Variants in PDE4B observed in about 807,000 individuals in gnomAD.
PDE4B encodes phosphodiesterase 4B, also known as 3',5'-cyclic-AMP phosphodiesterase 4B.
PDE4B carries 20 observed loss-of-function variants against 82.2 expected under a neutral mutation model. The ratio of observed to expected loss-of-function variants is 0.24; its 90% CI spans 0.17 to 0.35. The LOEUF (loss-of-function observed/expected upper bound fraction) is 0.35, where lower values mean the gene tolerates loss of function less well. Ranked by LOEUF, PDE4B falls within the 10% of genes least tolerant of loss-of-function variation. The pLI is 1.00. For synonymous variants in PDE4B, 320 were observed against 318.9 expected, an observed-to-expected ratio of 1.00 and a Z score of -0.04; for missense variants, 655 against 907.2, an observed-to-expected ratio of 0.72 and a Z score of 3.57.
chr1:65,881,472 A>G (rs1326651455), intron 1 of PDE4B, among the ~76,000 whole-genome samples: 1 of 152,170 alleles, frequency 6.6e-6, no homozygotes, highest in Non-Finnish European at 1.5e-5. Context: ...CCACAGATGC[A>G]GATCCTGAGA....
rs573199695 is a variant in PDE4B, at chr1:65,845,776, A to T, written c.-71+52528A>T. Among the ~76,000 whole-genome samples the T allele has an allele frequency of 1.3e-4, 20 of 152,144 alleles. No individual in the cohort carries two copies. In the South Asian group the frequency reaches 3.9e-3, roughly 30 times the overall value. ...CTTTACCCCTGCACCCTTTATCTTT[A>T]ATGACTCTTTCAGATTGAGGAAGTC... On this transcript the variant is annotated intron_variant, in intron 1 of 16. Transcript: ENST00000341517.
intron 3 of PDE4B, among the ~76,000 whole-genome samples, chr1:66,141,591 A>G (rs1646173941): frequency 6.6e-6 from 1 of 151,920 alleles, no homozygotes; most frequent in South Asian, 2.1e-4. Flanking sequence ...AGTCTCAGAA[A>G]GCCTCCTCAG....
At chr1:66,108,354 G>T (rs1455349014) in intron 3 of PDE4B, among the ~76,000 whole-genome samples, 1 of 151,880 alleles carries the variant, frequency 6.6e-6, no homozygotes, top group African/African-American at 2.4e-5. Context: ...ACTACTAGAA[G>T]AAAACATAGG....
intron 7 of PDE4B, among the ~76,000 whole-genome samples, chr1:66,318,018 G>A (rs185158705): frequency 2.0e-5 from 3 of 152,268 alleles, no homozygotes; most frequent in African/African-American, 7.2e-5. Flanking sequence ...GGCTGAGGAT[G>A]GAAATCACCT....
chr1:66,283,905 G>A (rs528546468), intron 7 of PDE4B, among the ~76,000 whole-genome samples: 2 of 152,250 alleles, frequency 1.3e-5, no homozygotes, highest in African/African-American at 4.8e-5. Flanking sequence ...GAGAGAGAGA[G>A]ATTCATTCAC....
chr1:66,054,666 T>C (rs1174680155), intron 3 of PDE4B, among the ~76,000 whole-genome samples: 1 of 152,212 alleles, frequency 6.6e-6, no homozygotes, highest in Admixed American at 6.5e-5. Context: ...AGATTGATAT[T>C]TTATTCTTCC....
At chr1:65,887,246 C>CT (rs376942239) in intron 1 of PDE4B, among the ~76,000 whole-genome samples, 1 of 21,634 alleles carries the variant, frequency 4.6e-5, no homozygotes, top group African/African-American at 1.9e-4. Context: ...TTCTTTCTTT[C>CT]TTTTCTTTCT....
chr1:66,331,737 A>C (rs919158657), intron 7 of PDE4B: 9 of 985,226 alleles, frequency 9.1e-6, no homozygotes, highest in African/African-American at 1.7e-5. Context: ...GCAGAAGGGA[A>C]GTTTTAGCTT....
At chr1:66,091,970 C>T (rs902145923) in intron 3 of PDE4B, among the ~76,000 whole-genome samples, 30 of 151,874 alleles carry the variant, frequency 2.0e-4, no homozygotes, top group African/African-American at 7.0e-4. Flanking sequence ...TAAATTTACA[C>T]AATTAAGAGT....
chr1:66,006,691 C>G (rs1175033732), intron 3 of PDE4B, among the ~76,000 whole-genome samples: 1 of 152,076 alleles, frequency 6.6e-6, no homozygotes, highest in East Asian at 1.9e-4. Flanking sequence ...TTCCCCCATG[C>G]TGTTCTCATG....
intron 1 of PDE4B, among the ~76,000 whole-genome samples, chr1:65,887,246 C>CTTTCTTTCT (rs1282290754): frequency 1.4e-4 from 3 of 21,636 alleles, no homozygotes; most frequent in Admixed American, 1.1e-3. Context: ...TTCTTTCTTT[C>CTTTCTTTCT]TTTTCTTTCT....
chr1:65,870,031 A>G (rs1249574032), intron 1 of PDE4B, among the ~76,000 whole-genome samples: 3 of 152,192 alleles, frequency 2.0e-5, no homozygotes, highest in African/African-American at 7.2e-5. Context: ...CACATATGTC[A>G]TAAGATTAAT....
chr1:66,323,824 G>C (rs747079944), intron 7 of PDE4B, among the ~76,000 whole-genome samples: 27 of 152,266 alleles, frequency 1.8e-4, no homozygotes, highest in Admixed American at 5.2e-4. Context: ...TAACCCCAGA[G>C]ACCAAGCTTT....
intron 1 of PDE4B, among the ~76,000 whole-genome samples, chr1:65,893,120 G>A (rs1233225206): frequency 6.6e-6 from 1 of 151,890 alleles, no homozygotes; most frequent in Non-Finnish European, 1.5e-5. Flanking sequence ...TTTCTGCATT[G>A]TTTTTTCCCC....
At chr1:66,120,800 T>A (rs1431771251) in intron 3 of PDE4B, among the ~76,000 whole-genome samples, 1 of 152,194 alleles carries the variant, frequency 6.6e-6, no homozygotes, top group Non-Finnish European at 1.5e-5. Context: ...ATGAATGCTA[T>A]CTCCATGGGT....
At chr1:66,313,843 C>T (rs777564171) in intron 7 of PDE4B, among the ~76,000 whole-genome samples, 14 of 152,226 alleles carry the variant, frequency 9.2e-5, no homozygotes, top group East Asian at 1.9e-4. Flanking sequence ...TGTAATCCTT[C>T]GCAGCAATCC....
intron 3 of PDE4B, among the ~76,000 whole-genome samples, chr1:66,191,856 A>G (rs1365095977): frequency 6.6e-6 from 1 of 152,126 alleles, no homozygotes; most frequent in Non-Finnish European, 1.5e-5. Flanking sequence ...AACCAAGCAA[A>G]AGGGAAAACC....
At chr1:65,989,652 T>C (rs1651137995) in intron 3 of PDE4B, among the ~76,000 whole-genome samples, 1 of 152,180 alleles carries the variant, frequency 6.6e-6, no homozygotes, top group South Asian at 2.1e-4. Context: ...CTAAGGGTTA[T>C]ACATGAACCG....
intron 3 of PDE4B, among the ~76,000 whole-genome samples, chr1:66,077,375 C>T (rs542311944): frequency 6.6e-6 from 1 of 152,230 alleles, no homozygotes; most frequent in South Asian, 2.1e-4. Context: ...ATTCTCATGA[C>T]AATTCAGTGA....
Sources: gnomAD v4.1 joint callset for allele counts (sites outside exome capture counted in the v4.1 genomes callset) on GRCh38, gnomAD v4.1.1 for gene constraint, MANE v1.5 for transcripts, NCBI Gene and HGNC (gene_info 2026-07-23, HGNC 2026-07-21) for gene names.